UNC79: variants seen among roughly 807,000 people sequenced by gnomAD.
UNC79 encodes protein unc-79 homolog.
Under a neutral mutation model 283.1 loss-of-function variants are expected in UNC79, and 37 were observed. The ratio of observed to expected loss-of-function variants is 0.13; its 90% CI spans 0.10 to 0.17. The LOEUF (loss-of-function observed/expected upper bound fraction) is 0.17. Among genes scored for constraint, UNC79 ranks in the 10% least tolerant of loss-of-function variants. UNC79 has a pLI of 1.00. For synonymous variants in UNC79, 1,107 were observed against 1,200.2 expected, an observed-to-expected ratio of 0.92 and a Z score of 1.61; for missense variants, 2,272 against 3,211.1, an observed-to-expected ratio of 0.71 and a Z score of 7.07.
intron 14 of UNC79, among the ~76,000 whole-genome samples, chr14:93,545,018 T>A (rs181852401): frequency 3.3e-5 from 5 of 152,256 alleles, no homozygotes; most frequent in Admixed American, 3.3e-4. Context: ...GTCTTAATAA[T>A]GATCTAGGAA....
At chr14:93,374,497 G>T (rs2054516142) in intron 1 of UNC79, among the ~76,000 whole-genome samples, 1 of 152,246 alleles carries the variant, frequency 6.6e-6, no homozygotes, top group African/African-American at 2.4e-5. Context: ...GCAAATGTCT[G>T]TCTTATTCCT....
intron 40 of UNC79, among the ~76,000 whole-genome samples, chr14:93,667,192 G>GGGAA (rs1409695952): frequency 6.8e-6 from 1 of 148,022 alleles, no homozygotes; most frequent in Non-Finnish European, 1.5e-5. Context: ...GAGAGAAGGA[G>GGGAA]GGAAGGAAGG....
At chr14:93,500,333 C>T (rs1027888295) in intron 7 of UNC79, among the ~76,000 whole-genome samples, 3 of 152,194 alleles carry the variant, frequency 2.0e-5, no homozygotes, top group Non-Finnish European at 4.4e-5. Flanking sequence ...GTCATGCTTC[C>T]ATTCTTTCAG....
At chr14:93,666,225 C>T (rs2072186910) in intron 40 of UNC79, among the ~76,000 whole-genome samples, 1 of 151,770 alleles carries the variant, frequency 6.6e-6, no homozygotes, top group East Asian at 1.9e-4. Context: ...TTATAAGTTC[C>T]AAACATAGAA....
At chr14:93,572,159 G>C (rs2063239740) in intron 15 of UNC79, 75 bp downstream of exon 15, 15 of 1,470,908 alleles carry the variant, frequency 1.0e-5, no homozygotes, top group Non-Finnish European at 1.4e-5. Flanking sequence ...CTGTATGCCG[G>C]TCACCCTACT....
At chr14:93,456,696 A>C (rs1479664918) in intron 1 of UNC79, among the ~76,000 whole-genome samples, 1 of 152,132 alleles carries the variant, frequency 6.6e-6, no homozygotes, top group Non-Finnish European at 1.5e-5. Context: ...CTCAGTCAAG[A>C]CTGACTCAGA....
At chr14:93,396,843 A>T (rs544334055) in intron 1 of UNC79, among the ~76,000 whole-genome samples, 2 of 149,296 alleles carry the variant, frequency 1.3e-5, no homozygotes, top group South Asian at 4.3e-4. Flanking sequence ...CAAGCAACTG[A>T]CAGCTCTGTC....
At chr14:93,488,361 T>G (rs1240514343) in intron 5 of UNC79, among the ~76,000 whole-genome samples, 1 of 152,236 alleles carries the variant, frequency 6.6e-6, no homozygotes, top group African/African-American at 2.4e-5. Flanking sequence ...TTTTCACATT[T>G]ACTCTGTTTG....
intron 1 of UNC79, among the ~76,000 whole-genome samples, chr14:93,408,291 G>C (rs955009067): frequency 2.0e-5 from 3 of 152,214 alleles, no homozygotes; most frequent in Non-Finnish European, 4.4e-5. Flanking sequence ...GGAAATGCTA[G>C]AAGTAGAAAA....
intron 31 of UNC79, chr14:93,634,611 C>T (rs149171722): frequency 4.6e-5 from 74 of 1,613,818 alleles, no homozygotes; most frequent in Non-Finnish European, 5.8e-5. Flanking sequence ...TCTAGCGCCC[C>T]CCATAACATC....
intron 1 of UNC79, among the ~76,000 whole-genome samples, chr14:93,406,743 C>T (rs966192045): frequency 6.6e-6 from 1 of 152,166 alleles, no homozygotes; most frequent in Non-Finnish European, 1.5e-5. Flanking sequence ...AGTTATCACT[C>T]ATCTCATAAT....
intron 23 of UNC79, 30 bp from the exon 24 acceptor site, chr14:93,597,329 A>C (rs756425048): frequency 1.2e-6 from 2 of 1,607,868 alleles, no homozygotes; most frequent in Admixed American, 3.3e-5. Context: ...GTGTGTATTT[A>C]CGTATTTTGC....
chr14:93,516,872 T>C (rs1567037219), intron 7 of UNC79, among the ~76,000 whole-genome samples: 1 of 152,106 alleles, frequency 6.6e-6, no homozygotes, highest in East Asian at 1.9e-4. Flanking sequence ...ATTTAGGTCT[T>C]CTTTAATTTC....
At chr14:93,588,780 C>T (rs1456052492) in intron 22 of UNC79, among the ~76,000 whole-genome samples, 2 of 148,602 alleles carry the variant, frequency 1.3e-5, no homozygotes, top group Non-Finnish European at 3.0e-5. Flanking sequence ...AGAGAAAATC[C>T]GAACATATTT....
chr14:93,567,726 T>C (rs372072318), intron 14 of UNC79, among the ~76,000 whole-genome samples: 2 of 152,230 alleles, frequency 1.3e-5, no homozygotes, highest in East Asian at 3.9e-4. Context: ...CTTTCTTTTG[T>C]GAACCCCGAA....
intron 1 of UNC79, among the ~76,000 whole-genome samples, chr14:93,381,931 C>T (rs776127820): frequency 6.6e-6 from 1 of 152,094 alleles, no homozygotes; most frequent in African/African-American, 2.4e-5. Context: ...TTAGGAAAGC[C>T]AAGTGTGAAC....
chr14:93,688,625 G>A lies in UNC79; in HGVS notation c.6910-40G>A, dbSNP rs774287461. On this transcript the variant is annotated intron_variant, in intron 43 of 48. Coordinates refer to ENST00000555664, the Ensembl canonical transcript of UNC79. This position sits in a 1 kb window ranked among gnomAD's most constrained non-coding sequence, Gnocchi z 4.0. ...CAAAGAATGGCCTGGAATGAATCCAGGTGTCTGCCAGAGTTACAAAATACC... is the reference window on the plus strand; with the variant it reads ...CAAAGAATGGCCTGGAATGAATCCAAGTGTCTGCCAGAGTTACAAAATACC... 5 of 1,596,034 alleles carry A rather than the reference G, an allele frequency of 3.1e-6. No individual in the cohort carries two copies. The Middle Eastern group carries it at 5.0e-4, about 161-fold the overall frequency.
intron 1 of UNC79, among the ~76,000 whole-genome samples, chr14:93,371,831 C>T (rs2054457094): frequency 6.6e-6 from 1 of 151,068 alleles, no homozygotes; most frequent in Non-Finnish European, 1.5e-5. Context: ...AAGATCGAGA[C>T]TCCGTCTCAA....
chr14:93,597,232 A>G lies in UNC79; in HGVS notation c.3191-127A>G, dbSNP rs549969807. ...TTCCTGTTGGGATTTAAAGTAAACC[A>G]TGCGGGAGACCCAGAGTTAACTTTT... On this transcript the variant is annotated intron_variant, in intron 23 of 48. Coordinates refer to ENST00000555664, the Ensembl canonical transcript of UNC79. The G allele has an allele frequency of 5.4e-6, 5 of 933,760 alleles. No homozygotes were observed. In the East Asian group the frequency reaches 1.3e-4, roughly 23 times the overall value. 57.8% of individuals were successfully genotyped at this position (933,760 alleles called of 1,614,324 possible). A position where few individuals can be genotyped will look rare whatever the true frequency, so the allele number is the denominator to read the frequency against.
Sources: allele counts gnomAD v4.1 joint callset (sites outside exome capture counted in the v4.1 genomes callset), GRCh38; gene constraint gnomAD v4.1.1; non-coding constraint Gnocchi (gnomAD v3.1); transcripts MANE v1.5; gene names NCBI Gene and HGNC (gene_info 2026-07-23, HGNC 2026-07-21).